SRBD1: variants seen among roughly 807,000 people sequenced by gnomAD.
SRBD1 encodes S1 RNA binding domain 1.
A neutral mutation model predicts 115.3 loss-of-function variants in SRBD1; 88 were observed. The observed-to-expected ratio is 0.76, with a 90% CI of 0.64 to 0.91. SRBD1 has a LOEUF of 0.91. Among genes scored for constraint, SRBD1 ranks in the 40% least tolerant of loss-of-function variants. SRBD1 has a pLI of 0.00. For synonymous variants in SRBD1, 509 were observed against 407.7 expected, an observed-to-expected ratio of 1.25 and a Z score of -2.99; for missense variants, 1,385 against 1,177.4, an observed-to-expected ratio of 1.18 and a Z score of -2.58.
rs190564709 is a variant in SRBD1 at position 45,446,774 on chromosome 2, G to A, written c.2050-26880C>T. On this transcript the variant is annotated intron_variant, in intron 16 of 20. Transcript: ENST00000263736. ...CTTCCAAAAATTAAAAACATAGGTC[G>A]CTCTCAAAGGAATGAGCATCAGACT... Among the ~76,000 whole-genome samples the A allele has an allele frequency of 2.7e-4, 41 of 151,224 alleles. 2 individuals are homozygous for A. In the Middle Eastern group the frequency reaches 0.01, roughly 38 times the overall value.
intron 5 of SRBD1, among the ~76,000 whole-genome samples, chr2:45,585,181 T>C (rs1249424999): frequency 6.6e-6 from 1 of 151,962 alleles, no homozygotes; most frequent in Non-Finnish European, 1.5e-5. Flanking sequence ...AAAGGAAATA[T>C]ACATATTTCC....
chr2:45,610,577 A>G (rs570055348), intron 1 of SRBD1, among the ~76,000 whole-genome samples: 1 of 152,282 alleles, frequency 6.6e-6, no homozygotes, highest in South Asian at 2.1e-4. Context: ...ACAATATGTT[A>G]ATGACATGTC....
chr2:45,593,770 A>G (rs1673798331), intron 4 of SRBD1, among the ~76,000 whole-genome samples: 1 of 152,090 alleles, frequency 6.6e-6, no homozygotes, highest in Non-Finnish European at 1.5e-5. Flanking sequence ...CCTTACCCTT[A>G]CCTAGTTATT....
intron 14 of SRBD1, among the ~76,000 whole-genome samples, chr2:45,503,795 T>G (rs905764563): frequency 1.3e-5 from 2 of 152,190 alleles, no homozygotes; most frequent in African/African-American, 4.8e-5. Flanking sequence ...TTTTCCTTAG[T>G]GATTACCCAC....
At chr2:45,428,729 G>T (rs1211330364) in intron 16 of SRBD1, among the ~76,000 whole-genome samples, 1 of 152,044 alleles carries the variant, frequency 6.6e-6, no homozygotes, top group Non-Finnish European at 1.5e-5. Context: ...ATCTAAAATT[G>T]ACACTCTAAT....
chr2:45,572,401 T>C (rs1020194225), intron 9 of SRBD1, among the ~76,000 whole-genome samples: 1 of 152,156 alleles, frequency 6.6e-6, no homozygotes, highest in African/African-American at 2.4e-5. Context: ...ATTACTGAAC[T>C]GTATGCTTAA....
At chr2:45,522,405 T>G (rs1046900656) in intron 14 of SRBD1, among the ~76,000 whole-genome samples, 1 of 152,168 alleles carries the variant, frequency 6.6e-6, no homozygotes, top group Admixed American at 6.5e-5. Flanking sequence ...CTAGAGCTCC[T>G]GGGCTCAAGC....
intron 14 of SRBD1, among the ~76,000 whole-genome samples, chr2:45,542,001 G>T (rs951535705): frequency 3.9e-5 from 6 of 152,224 alleles, no homozygotes; most frequent in African/African-American, 1.4e-4. Flanking sequence ...GCTTGGAGGT[G>T]GGGGTTTCAC....
chr2:45,481,226 C>A (rs140082653), intron 15 of SRBD1, among the ~76,000 whole-genome samples: 1 of 152,024 alleles, frequency 6.6e-6, no homozygotes, highest in African/African-American at 2.4e-5. Flanking sequence ...AAATGTCATG[C>A]GACATTTTTA....
chr2:45,602,108 C>T (rs1393941743), intron 2 of SRBD1, 25 bp from the exon 3 acceptor site: 4 of 1,573,170 alleles, frequency 2.5e-6, no homozygotes, highest in Admixed American at 2.0e-5. Context: ...ACAGAATAAT[C>T]TCCAGGAAAA....
intron 16 of SRBD1, among the ~76,000 whole-genome samples, chr2:45,438,122 T>C (rs1408498877): frequency 6.6e-6 from 1 of 152,172 alleles, no homozygotes; most frequent in Non-Finnish European, 1.5e-5. Flanking sequence ...CAGGAAGATT[T>C]ATATGGTAAC....
At chr2:45,606,748 A>G (rs996052880) in intron 1 of SRBD1, among the ~76,000 whole-genome samples, 1 of 152,210 alleles carries the variant, frequency 6.6e-6, no homozygotes, top group African/African-American at 2.4e-5. Context: ...AAGATTAATT[A>G]GCTGTTAAAA....
chr2:45,419,809 A>T lies in SRBD1; in HGVS notation c.2135T>A (p.Ile712Asn). 1 of 1,613,840 alleles carries T rather than the reference A, an allele frequency of 6.2e-7. No homozygotes were observed. The highest frequency in any genetic ancestry group is 1.1e-5 in the South Asian group (1 of 91,078). Residue 712 changes from isoleucine (I) to asparagine (N), a missense_variant, in exon 17 of 21, where the codon ATC (isoleucine) becomes AAC (asparagine). By Grantham distance (149) the Ile-to-Asn change is moderately radical. Coordinates refer to ENST00000263736, the MANE Select transcript of SRBD1 (RefSeq NM_018079.5). ...CVSFVGVDIN[I>N]CSEVLLRHIA... ...TCACCTTAACAAAACTTCTGAACAG[A>T]TGTTAATATCCACTCCCACAAAGCT...
intron 14 of SRBD1, among the ~76,000 whole-genome samples, chr2:45,517,459 T>C (rs1299968809): frequency 6.6e-6 from 1 of 152,182 alleles, no homozygotes; most frequent in Admixed American, 6.5e-5. Context: ...AACTGTGAAA[T>C]CCTTTGGATT....
At chr2:45,523,793 A>C (rs1277581914) in intron 14 of SRBD1, among the ~76,000 whole-genome samples, 1 of 152,000 alleles carries the variant, frequency 6.6e-6, no homozygotes, top group East Asian at 1.9e-4. Context: ...CTTCCAAAAA[A>C]CAGGAGGGGA....
chr2:45,418,553 A>T lies in SRBD1; in HGVS notation c.2157-12T>A, dbSNP rs753349431. On this transcript the variant is annotated splice_polypyrimidine_tract_variant and intron_variant, in intron 17 of 20. Coordinates refer to ENST00000263736, the MANE Select transcript of SRBD1 (RefSeq NM_018079.5). ...GTCCTGCAATATGCCTAGAAAAAAA[A>T]AATAAGCAAACTGAAAAAAAGATCT... 3 of 1,590,318 alleles carry T rather than the reference A, an allele frequency of 1.9e-6. No homozygotes were observed. The highest frequency in any genetic ancestry group is 1.1e-5 in the South Asian group (1 of 86,972).
chr2:45,585,473 A>C, intron 5 of SRBD1, 135 bp downstream of exon 5: 1 of 919,520 alleles, frequency 1.1e-6, no homozygotes. Flanking sequence ...CTAAATAAAG[A>C]GGACTATATC....
At chr2:45,469,909 ATT>A (rs1669596031) in intron 16 of SRBD1, among the ~76,000 whole-genome samples, 1 of 152,228 alleles carries the variant, frequency 6.6e-6, no homozygotes, top group Non-Finnish European at 1.5e-5. Context: ...TTGCAAAACC[ATT>A]TTGGCAGAGA....
intron 16 of SRBD1, among the ~76,000 whole-genome samples, chr2:45,426,183 C>T (rs1487437971): frequency 6.6e-6 from 1 of 152,178 alleles, no homozygotes; most frequent in Non-Finnish European, 1.5e-5. Flanking sequence ...CCCATCATTA[C>T]TGAGGCTTGA....
Sources: allele counts gnomAD v4.1 joint callset (sites outside exome capture counted in the v4.1 genomes callset), GRCh38; gene constraint gnomAD v4.1.1; transcripts MANE v1.5; gene names NCBI Gene and HGNC (gene_info 2026-07-23, HGNC 2026-07-21).